RXFP1: variants seen among roughly 807,000 people sequenced by gnomAD.
RXFP1 encodes the protein relaxin family peptide receptor 1, also known as relaxin receptor 1.
A neutral mutation model predicts 89.8 loss-of-function variants in RXFP1; 73 were observed. The observed-to-expected ratio is 0.81, with a 90% CI of 0.67 to 0.99. The LOEUF is 0.99. Among genes scored for constraint, RXFP1 ranks in the 50% least tolerant of loss-of-function variants. The pLI is 0.00. For synonymous variants in RXFP1, 277 were observed against 305.5 expected, an observed-to-expected ratio of 0.91 and a Z score of 0.97; for missense variants, 793 against 895.5, an observed-to-expected ratio of 0.89 and a Z score of 1.46.
At chr4:158,534,913 TAA>T (rs1744938005) in intron 1 of RXFP1, among the ~76,000 whole-genome samples, 1 of 147,508 alleles carries the variant, frequency 6.8e-6, no homozygotes, top group South Asian at 2.1e-4. Context: ...TTACATATAA[TAA>T]AATAATTTAT....
chr4:158,650,822 C>T (rs1032983773), intron 17 of RXFP1, among the ~76,000 whole-genome samples: 1 of 151,944 alleles, frequency 6.6e-6, no homozygotes, highest in African/African-American at 2.4e-5. Flanking sequence ...GTGTTCTGTA[C>T]TATGGATGAT....
intron 14 of RXFP1, among the ~76,000 whole-genome samples, chr4:158,641,606 C>T (rs571075612): frequency 2.6e-5 from 4 of 152,208 alleles, no homozygotes; most frequent in Admixed American, 6.5e-5. Context: ...TGGATATAAC[C>T]GAATGGGGAA....
intron 6 of RXFP1, among the ~76,000 whole-genome samples, chr4:158,608,678 A>C (rs1419636404): frequency 2.6e-5 from 4 of 152,196 alleles, no homozygotes; most frequent in Non-Finnish European, 5.9e-5. Context: ...AGTGGCATTA[A>C]GTACATTGAC....
At chr4:158,651,147 G>A (rs1319991560) in intron 17 of RXFP1, among the ~76,000 whole-genome samples, 1 of 152,052 alleles carries the variant, frequency 6.6e-6, no homozygotes, top group East Asian at 1.9e-4. Flanking sequence ...TAAAAACAAA[G>A]AGTAATGACA....
chr4:158,552,528 G>C (rs562194853), intron 1 of RXFP1, among the ~76,000 whole-genome samples: 1 of 151,948 alleles, frequency 6.6e-6, no homozygotes, highest in Non-Finnish European at 1.5e-5. Context: ...AAAACATCTC[G>C]TCTTGTTTTA....
chr4:158,628,265 TG>T (rs932972777), intron 10 of RXFP1, among the ~76,000 whole-genome samples: 1 of 152,130 alleles, frequency 6.6e-6, no homozygotes, highest in Non-Finnish European at 1.5e-5. Flanking sequence ...GTAGGAGTGC[TG>T]TGGTGGGTGG....
At chr4:158,559,647 C>T (rs537658214) in intron 1 of RXFP1, among the ~76,000 whole-genome samples, 3 of 152,206 alleles carry the variant, frequency 2.0e-5, no homozygotes, top group African/African-American at 4.8e-5. Flanking sequence ...GATGTATTTA[C>T]GACAAAAAAG....
At chr4:158,577,288 C>T (rs923398245) in intron 2 of RXFP1, among the ~76,000 whole-genome samples, 24 of 152,238 alleles carry the variant, frequency 1.6e-4, no homozygotes, top group African/African-American at 5.5e-4. Flanking sequence ...CCACCAGCCT[C>T]GGCCTCCTAA....
chr4:158,614,368 G>A (rs1380293251), intron 8 of RXFP1, among the ~76,000 whole-genome samples: 1 of 152,166 alleles, frequency 6.6e-6, no homozygotes, highest in East Asian at 1.9e-4. Context: ...TTTTTCAATA[G>A]AAGGTTGTTT....
chr4:158,529,302 AG>A (rs1743421151), intron 1 of RXFP1, among the ~76,000 whole-genome samples: 1 of 151,380 alleles, frequency 6.6e-6, no homozygotes, highest in South Asian at 2.1e-4. Flanking sequence ...TCTGTGGCCC[AG>A]GCTGGAGTGC....
chr4:158,564,202 CATAACA>C (rs1327515512), intron 1 of RXFP1, among the ~76,000 whole-genome samples: 1 of 152,034 alleles, frequency 6.6e-6, no homozygotes, highest in Non-Finnish European at 1.5e-5. Flanking sequence ...TTCACATTCC[CATAACA>C]ATATGTTTTC....
Position 158,608,134 on chromosome 4 carries a change from G to A in RXFP1, c.536+91G>A, listed in dbSNP as rs977865669. On this transcript the variant is annotated intron_variant, in intron 6 of 17. Coordinates refer to ENST00000307765, the MANE Select transcript of RXFP1 (RefSeq NM_021634.4). ...CAGACCAGCCTCCCTGTCCATGACA[G>A]TACCAAGGAGCCATGCAAGTGATGC... 2.1e-5 allele frequency: 17 copies of A among 800,554 alleles called. No individual in the cohort carries two copies. In the African/African-American group the frequency reaches 2.7e-4, roughly 13 times the overall value. 49.6% of individuals were successfully genotyped at this position (800,554 alleles called of 1,614,324 possible). A position where few individuals can be genotyped will look rare whatever the true frequency, so the allele number is the denominator to read the frequency against.
chr4:158,622,065 C>A (rs1765720785), intron 9 of RXFP1, among the ~76,000 whole-genome samples: 1 of 152,194 alleles, frequency 6.6e-6, no homozygotes, highest in Admixed American at 6.5e-5. Context: ...AATCCCAACA[C>A]TGTGGGTGGC....
intron 5 of RXFP1, chr4:158,607,054 C>T (rs745600438): frequency 6.5e-7 from 1 of 1,535,390 alleles, no homozygotes; most frequent in Non-Finnish European, 8.7e-7. Context: ...TCAGGACACT[C>T]TAAAGAACAA....
chr4:158,600,867 G>GA (rs1014120369), intron 4 of RXFP1, among the ~76,000 whole-genome samples: 2 of 151,748 alleles, frequency 1.3e-5, no homozygotes, highest in African/African-American at 2.4e-5. Context: ...TATTTTCAGA[G>GA]AAAAAAATCA....
chr4:158,644,809 A>G, intron 14 of RXFP1, 100 bp from the exon 15 acceptor site: 2 of 793,722 alleles, frequency 2.5e-6, no homozygotes, highest in South Asian at 3.5e-5. Flanking sequence ...TCATCTTAAG[A>G]CATTTTCTTT....
chr4:158,523,716 A>G (rs775218187), intron 1 of RXFP1, among the ~76,000 whole-genome samples: 9 of 152,142 alleles, frequency 5.9e-5, no homozygotes, highest in Non-Finnish European at 8.8e-5. Flanking sequence ...GTGGGGGAAC[A>G]CTTGTCAGGG....
intron 1 of RXFP1, among the ~76,000 whole-genome samples, chr4:158,538,864 T>G (rs1414704537): frequency 6.6e-6 from 1 of 151,830 alleles, no homozygotes; most frequent in Non-Finnish European, 1.5e-5. Context: ...GACTTCTCTA[T>G]GAAATAATTC....
chr4:158,594,091 A>AATT (rs1760064237), intron 3 of RXFP1, among the ~76,000 whole-genome samples: 1 of 152,222 alleles, frequency 6.6e-6, no homozygotes, highest in African/African-American at 2.4e-5. Flanking sequence ...ACATTATGCA[A>AATT]ATGTAAATCT....
Sources: allele counts gnomAD v4.1 joint callset (sites outside exome capture counted in the v4.1 genomes callset), GRCh38; gene constraint gnomAD v4.1.1; transcripts MANE v1.5; gene names NCBI Gene and HGNC (gene_info 2026-07-23, HGNC 2026-07-21).